CRISPLD2: variants seen among roughly 807,000 people sequenced by gnomAD.
CRISPLD2 encodes cysteine rich secretory protein LCCL domain containing 2.
In CRISPLD2, 47 loss-of-function variants were observed where a neutral mutation model predicts 71.1. That is an observed-to-expected ratio of 0.66 (90% CI 0.52 to 0.84). CRISPLD2 has a LOEUF of 0.84. Ranked by LOEUF, CRISPLD2 falls within the 40% of genes least tolerant of loss-of-function variation. CRISPLD2 has a pLI of 0.00. For missense variants in CRISPLD2, 830 were observed against 651.1 expected, an observed-to-expected ratio of 1.27 and a Z score of -2.99; for synonymous variants, 317 against 250.1, an observed-to-expected ratio of 1.27 and a Z score of -2.52.
At chr16:84,896,708 T>TC (rs879301592) in intron 14 of CRISPLD2, among the ~76,000 whole-genome samples, 16 of 152,094 alleles carry the variant, frequency 1.1e-4, no homozygotes, top group Non-Finnish European at 2.2e-4. Flanking sequence ...GATGGGTTTA[T>TC]CAGGACGCGA....
rs143187723 is a variant in CRISPLD2, at chr16:84,899,133, G to A, written c.1440-7455G>A. ...CTCAAACTCCTGGGTTCAAGCAATCGCCTACGTTAGCCTCCCAAAGTGCTG... is the reference window on the plus strand; with the variant it reads ...CTCAAACTCCTGGGTTCAAGCAATCACCTACGTTAGCCTCCCAAAGTGCTG... On this transcript the variant is annotated intron_variant, in intron 14 of 14. Transcript: ENST00000262424. Among the ~76,000 whole-genome samples the A allele has an allele frequency of 2.3e-3, 354 of 152,164 alleles. 1 individual carries two copies. Among genetic ancestry groups the A allele is most frequent in the Non-Finnish European group, 3.5e-3 (237 of 68,010 alleles).
intron 2 of CRISPLD2, among the ~76,000 whole-genome samples, chr16:84,841,455 A>G (rs1916768630): frequency 1.3e-5 from 2 of 152,272 alleles, no homozygotes; most frequent in South Asian, 4.1e-4. Flanking sequence ...GCAGGGGCAA[A>G]TCACACAGGG....
At chr16:84,875,437 T>TTTTTTTTTG (rs2071509951) in intron 11 of CRISPLD2, among the ~76,000 whole-genome samples, 1 of 123,922 alleles carries the variant, frequency 8.1e-6, no homozygotes, top group African/African-American at 3.2e-5. Flanking sequence ...TTTTTTTTTT[T>TTTTTTTTTG]GTAGCTCATC....
intron 1 of CRISPLD2, among the ~76,000 whole-genome samples, chr16:84,823,457 G>C (rs756571796): frequency 1.6e-4 from 24 of 152,286 alleles, no homozygotes; most frequent in Middle Eastern, 3.4e-3. Flanking sequence ...GTTCCTTCTT[G>C]AAGCATCAAC....
rs750814672 is a variant in CRISPLD2 at position 84,873,948 on chromosome 16, G to C, written c.1141G>C (p.Val381Leu). The stretch of plus-strand genomic sequence containing the variant: ...ATACAAACCTTCCAGCTCATTCATG[G>C]TGTCAAAAGTGAAAGGTAAGCTAGC... ...SKYKPSSSFM[V>L]SKVKVQDLDC... Residue 381 changes from valine to leucine, a missense_variant, in exon 11 of 15, where the codon GTG (valine) becomes CTG (leucine). By Grantham distance (32) the Val-to-Leu change is conservative (BLOSUM62 1). Transcript: ENST00000262424. The C allele has an allele frequency of 1.9e-6, 3 of 1,593,566 alleles. No individual in the cohort carries two copies. The South Asian group carries it at 3.4e-5, about 18-fold the overall frequency.
intron 6 of CRISPLD2, among the ~76,000 whole-genome samples, chr16:84,865,655 C>T (rs984915073): frequency 3.3e-5 from 5 of 152,090 alleles, no homozygotes; most frequent in African/African-American, 1.2e-4. Context: ...TATTAAGTGT[C>T]CCCAGCAGAT....
intron 13 of CRISPLD2, among the ~76,000 whole-genome samples, chr16:84,884,647 G>C (rs1243037698): frequency 6.6e-6 from 1 of 152,198 alleles, no homozygotes; most frequent in Non-Finnish European, 1.5e-5. Context: ...GAAGAAAGGA[G>C]GAAAGGTGTT....
chr16:84,832,911 G>A (rs562660454), intron 1 of CRISPLD2, among the ~76,000 whole-genome samples: 6 of 152,286 alleles, frequency 3.9e-5, no homozygotes, highest in Non-Finnish European at 7.4e-5. Flanking sequence ...GAGACCCCTC[G>A]CTAAACTTGG....
intron 5 of CRISPLD2, among the ~76,000 whole-genome samples, chr16:84,851,376 C>T (rs929194160): frequency 6.6e-6 from 1 of 152,222 alleles, no homozygotes; most frequent in East Asian, 1.9e-4. Context: ...TGGAGAGTCA[C>T]TCCCCCAGTT....
chr16:84,856,195 T>C (rs1917236097), intron 6 of CRISPLD2, among the ~76,000 whole-genome samples: 1 of 152,204 alleles, frequency 6.6e-6, no homozygotes, highest in Non-Finnish European at 1.5e-5. Context: ...CTGCCTGGAT[T>C]AGGCTGTTGT....
intron 14 of CRISPLD2, among the ~76,000 whole-genome samples, chr16:84,890,283 C>T (rs992122920): frequency 6.6e-5 from 10 of 152,060 alleles, no homozygotes; most frequent in South Asian, 2.1e-4. Context: ...GGCGTGAACC[C>T]GGGAGGCGGA....
intron 13 of CRISPLD2, among the ~76,000 whole-genome samples, chr16:84,882,371 A>AAAAAAGAAAT (rs368239840): frequency 1.4e-3 from 159 of 114,036 alleles, no homozygotes; most frequent in Non-Finnish European, 1.6e-3. Context: ...AAAAAAAAAA[A>AAAAAAGAAAT]GCAAGAACTT....
intron 1 of CRISPLD2, among the ~76,000 whole-genome samples, chr16:84,826,776 C>T (rs1473417619): frequency 3.3e-5 from 5 of 152,118 alleles, no homozygotes; most frequent in East Asian, 1.9e-4. Flanking sequence ...GAGGCCCCAC[C>T]GCCAGCTGGA....
chr16:84,862,726 C>A (rs530636022), intron 6 of CRISPLD2, among the ~76,000 whole-genome samples: 1 of 142,978 alleles, frequency 7.0e-6, no homozygotes, highest in African/African-American at 2.7e-5. Context: ...TTGCCATGAC[C>A]GAGGGGCCTT....
At chr16:84,902,771 G>GTT (rs1309382593) in intron 14 of CRISPLD2, among the ~76,000 whole-genome samples, 1 of 95,658 alleles carries the variant, frequency 1.0e-5, no homozygotes, top group Non-Finnish European at 1.9e-5. Context: ...TCGGCCCATT[G>GTT]CTTTTTTTTT....
chr16:84,878,390 T>C (rs925602356), intron 12 of CRISPLD2, among the ~76,000 whole-genome samples: 10 of 139,762 alleles, frequency 7.2e-5, no homozygotes, highest in African/African-American at 3.4e-4. Context: ...AGCTTCTTTC[T>C]GTTGCTCTGA....
chr16:84,830,045 C>G (rs1225558044), intron 1 of CRISPLD2, among the ~76,000 whole-genome samples: 2 of 152,182 alleles, frequency 1.3e-5, no homozygotes, highest in African/African-American at 4.8e-5. Flanking sequence ...TTTTCAGGGC[C>G]AGCGTAGTGG....
chr16:84,897,508 T>TA (rs1415200934), intron 14 of CRISPLD2, among the ~76,000 whole-genome samples: 1 of 152,182 alleles, frequency 6.6e-6, no homozygotes, highest in Non-Finnish European at 1.5e-5. Context: ...AAGATCTTCA[T>TA]AGCACTCAAC....
intron 13 of CRISPLD2, among the ~76,000 whole-genome samples, chr16:84,882,002 A>G (rs2071572595): frequency 6.6e-6 from 1 of 152,112 alleles, no homozygotes; most frequent in Non-Finnish European, 1.5e-5. Flanking sequence ...CTTGAAAGTG[A>G]TTCAGCTAAA....
Sources: gnomAD v4.1 joint callset for allele counts (sites outside exome capture counted in the v4.1 genomes callset) on GRCh38, gnomAD v4.1.1 for gene constraint, MANE v1.5 for transcripts, NCBI Gene and HGNC (gene_info 2026-07-23, HGNC 2026-07-21) for gene names.